The following REEP1 variants were observed in gnomAD, a reference collection of about 807,000 sequenced individuals.
REEP1 encodes receptor accessory protein 1.
A neutral mutation model predicts 40.3 loss-of-function variants in REEP1; 22 were observed. That is an observed-to-expected ratio of 0.55 (90% CI 0.39 to 0.78). REEP1 has a LOEUF of 0.78. REEP1 is among the 30% of genes least tolerant of loss of function. The pLI is 0.00. For synonymous variants in REEP1, 116 were observed against 139.2 expected (o/e 0.83, Z 1.17); for missense variants, 280 against 361.1 (o/e 0.78, Z 1.82).
chr2:86,227,466 C>T, intron 6 of REEP1, 68 bp from the exon 7 acceptor site: 1 of 1,206,850 alleles, frequency 8.3e-7, no homozygotes, highest in Non-Finnish European at 1.0e-6. Flanking sequence ...CCCGGGCAAA[C>T]AGGGAGGCCC....
intron 7 of REEP1, among the ~76,000 whole-genome samples, chr2:86,220,643 G>C (rs1314645171): frequency 1.3e-5 from 2 of 152,076 alleles, no homozygotes; most frequent in African/African-American, 4.8e-5. Context: ...GTAAGAGACA[G>C]GATATAAAAT....
intron 1 of REEP1, among the ~76,000 whole-genome samples, chr2:86,318,621 C>T (rs570140564): frequency 1.3e-5 from 2 of 152,204 alleles, no homozygotes; most frequent in East Asian, 3.9e-4. Context: ...TGGTCTCGAT[C>T]TCCTGACCTC....
intron 3 of REEP1, 116 bp from the exon 4 acceptor site, chr2:86,254,930 T>C: frequency 8.8e-7 from 1 of 1,130,938 alleles, no homozygotes; most frequent in Non-Finnish European, 1.3e-6. Context: ...TGGCTGCAAG[T>C]TTCCCAGATT....
chr2:86,280,498 A>G (rs1678017513), intron 2 of REEP1, among the ~76,000 whole-genome samples: 1 of 152,218 alleles, frequency 6.6e-6, no homozygotes, highest in African/African-American at 2.4e-5. Flanking sequence ...TACCACAGTG[A>G]TCCTGGTAAG....
upstream of REEP1, chr2:86,338,047 A>C (rs2104562929): frequency 6.5e-7 from 1 of 1,537,248 alleles, no homozygotes; most frequent in African/African-American, 1.4e-5. Context: ...TAACCTCTTC[A>C]GTCTGTCCGT....
intron 1 of REEP1, among the ~76,000 whole-genome samples, chr2:86,296,390 A>G (rs1678984094): frequency 6.6e-6 from 1 of 152,270 alleles, no homozygotes; most frequent in South Asian, 2.1e-4. Context: ...TTTGTAGCAG[A>G]GCCAGAACTA....
At chr2:86,267,618 C>T (rs1677218509) in intron 2 of REEP1, among the ~76,000 whole-genome samples, 1 of 151,690 alleles carries the variant, frequency 6.6e-6, no homozygotes, top group African/African-American at 2.4e-5. Flanking sequence ...CCCAGGAGTT[C>T]AAGGCTGCAG....
chr2:86,218,881 T>C (rs1394022793), intron 8 of REEP1, among the ~76,000 whole-genome samples: 4 of 152,256 alleles, frequency 2.6e-5, no homozygotes, highest in African/African-American at 9.6e-5. Flanking sequence ...AGGGAACATT[T>C]CAAGGCATCT....
intron 6 of REEP1, among the ~76,000 whole-genome samples, chr2:86,230,874 G>A (rs1674973585): frequency 1.3e-5 from 2 of 152,172 alleles, no homozygotes. Context: ...CTGCCCTCTG[G>A]GTTTTACTGA....
In REEP1 at chr2:86,262,939, T is replaced by C. The variant is rs145057898; in HGVS notation, c.182+1026A>G. On this transcript the variant is annotated intron_variant, in intron 3 of 8. Coordinates refer to ENST00000538924, the MANE Select transcript of REEP1 (RefSeq NM_001371279.1). ...GCAATACAAAGATCTAGCTTGTTTT[T>C]TAATTGCTTCATTGCTGGAAATAGC... Among the ~76,000 whole-genome samples, 1,092 of 152,372 alleles carry C rather than the reference T, an allele frequency of 7.2e-3. 10 individuals are homozygous for C. Among genetic ancestry groups the C allele is most frequent in the Non-Finnish European group, 0.013 (867 of 68,040 alleles).
intron 1 of REEP1, among the ~76,000 whole-genome samples, chr2:86,291,305 T>C (rs1459385606): frequency 6.6e-6 from 1 of 152,186 alleles, no homozygotes; most frequent in Non-Finnish European, 1.5e-5. Flanking sequence ...CCCTGAATTA[T>C]AGATTTACTG....
chr2:86,217,820 A>G (rs1478625224), intron 8 of REEP1, among the ~76,000 whole-genome samples: 3 of 151,884 alleles, frequency 2.0e-5, no homozygotes, highest in Non-Finnish European at 4.4e-5. Context: ...TCGATTAGGG[A>G]TGCTCAACTT....
At chr2:86,220,801 G>T (rs1436699385) in intron 7 of REEP1, among the ~76,000 whole-genome samples, 1 of 151,982 alleles carries the variant, frequency 6.6e-6, no homozygotes, top group African/African-American at 2.4e-5. Context: ...ATGATAGCAA[G>T]ATTCCTGTTT....
chr2:86,293,675 C>A (rs1678840380), intron 1 of REEP1, among the ~76,000 whole-genome samples: 1 of 152,226 alleles, frequency 6.6e-6, no homozygotes, highest in Middle Eastern at 3.2e-3. Context: ...TTCCAGCCCC[C>A]TCACTCAGCT....
At chr2:86,259,535 C>T (rs933502694) in intron 3 of REEP1, among the ~76,000 whole-genome samples, 4 of 151,674 alleles carry the variant, frequency 2.6e-5, no homozygotes, top group African/African-American at 4.8e-5. Context: ...ACAGGTGCTG[C>T]ACCACCACAC....
intron 2 of REEP1, among the ~76,000 whole-genome samples, chr2:86,274,663 G>C (rs1180305112): frequency 6.6e-6 from 1 of 152,196 alleles, no homozygotes; most frequent in Non-Finnish European, 1.5e-5. Context: ...GCAAGATAGG[G>C]ATGAGGAGCC....
At chr2:86,226,411 TCCTGTG>T (rs1558870385) in intron 7 of REEP1, among the ~76,000 whole-genome samples, 1 of 66,082 alleles carries the variant, frequency 1.5e-5, no homozygotes. Context: ...CCTCTGAAGT[TCCTGTG>T]TCCTTACCTG....
intron 2 of REEP1, chr2:86,280,146 C>T (rs1273139258): frequency 1.2e-5 from 5 of 429,088 alleles, no homozygotes; most frequent in Non-Finnish European, 2.3e-5. Flanking sequence ...GCGCATTAGT[C>T]GAAAGGACTG....
At chr2:86,309,513 A>C (rs1679660738) in intron 1 of REEP1, among the ~76,000 whole-genome samples, 1 of 152,220 alleles carries the variant, frequency 6.6e-6, no homozygotes. Flanking sequence ...TGAATTCGTC[A>C]GCTCAGGCTG....
Sources: allele counts gnomAD v4.1 joint callset (sites outside exome capture counted in the v4.1 genomes callset), GRCh38; gene constraint gnomAD v4.1.1; transcripts MANE v1.5; gene names NCBI Gene and HGNC (gene_info 2026-07-23, HGNC 2026-07-21).